SOCS4: variants seen among roughly 807,000 people sequenced by gnomAD.
SOCS4 encodes suppressor of cytokine signaling 4.
SOCS4 carries 20 observed loss-of-function variants against 34.1 expected under a neutral mutation model. The ratio of observed to expected loss-of-function variants is 0.59; its 90% CI spans 0.41 to 0.85. The LOEUF (loss-of-function observed/expected upper bound fraction) is 0.85, where lower values mean the gene tolerates loss of function less well. SOCS4 is among the 40% of genes least tolerant of loss of function. SOCS4 has a pLI of 0.00. For synonymous variants in SOCS4, 180 were observed against 186.4 expected (o/e 0.97, Z 0.28); for missense variants, 479 against 532.4 (o/e 0.90, Z 0.99).
rs752789342 is a variant in SOCS4, at chr14:55,044,145, C to T, written c.1104C>T (p.Ser368=). ...TGLLEHYKDP[S]ACMFFEPLLS... ...TCCTAGAACATTATAAGGACCCAAG[C>T]GCCTGTATGTTCTTTGAACCACTTC... Residue 368 remains serine (S), a synonymous_variant, in exon 3 of 3, where the codon AGC becomes AGT. Transcript: ENST00000555846. The T allele has an allele frequency of 6.8e-6, 11 of 1,613,934 alleles. No homozygotes were observed. The highest frequency in any genetic ancestry group is 5.3e-5 in the African/African-American group (4 of 74,894).
intron 1 of SOCS4, among the ~76,000 whole-genome samples, chr14:55,031,305 A>C (rs1172267663): frequency 6.6e-6 from 1 of 152,164 alleles, no homozygotes. Flanking sequence ...ATCTTTAGCT[A>C]ATAAGCTTAG....
chr14:55,032,319 T>G (rs562778176), intron 2 of SOCS4, among the ~76,000 whole-genome samples: 55 of 152,344 alleles, frequency 3.6e-4, no homozygotes, highest in Middle Eastern at 3.4e-3. Flanking sequence ...TAAAATCACC[T>G]TCTCAGCCTT....
chr14:55,038,335 T>C (rs1273361331), intron 2 of SOCS4, among the ~76,000 whole-genome samples: 2 of 152,208 alleles, frequency 1.3e-5, no homozygotes, highest in Admixed American at 6.5e-5. Context: ...TCTTTCATAG[T>C]TTAGAGTGTA....
rs773846887 is a variant in SOCS4 at position 55,043,789 on chromosome 14, G to T, written c.748G>T (p.Asp250Tyr). ...SSRKRNKPKW[D>Y]LDDEILQLET... The stretch of plus-strand genomic sequence containing the variant: ...CAGAAAAAGAAACAAACCCAAATGG[G>T]ATTTGGATGATGAAATCCTGCAGTT... The change falls in exon 3 of 3, where the codon GAT becomes TAT. Residue 250 changes from aspartate to tyrosine, a missense_variant. Asp to Tyr is a radical substitution (Grantham distance 160). Coordinates refer to ENST00000555846, the MANE Select transcript of SOCS4 (RefSeq NM_199421.2). The T allele has an allele frequency of 3.7e-6, 6 of 1,614,074 alleles. No individual in the cohort carries two copies. The highest frequency in any genetic ancestry group is 4.5e-5 in the East Asian group (2 of 44,884).
At chr14:55,037,685 G>A (rs964697044) in intron 2 of SOCS4, among the ~76,000 whole-genome samples, 1 of 151,816 alleles carries the variant, frequency 6.6e-6, no homozygotes, top group Admixed American at 6.6e-5. Flanking sequence ...GTAGAGACAG[G>A]GTTTCACTGT....
At chr14:55,029,121 G>C (rs2042505218) in intron 1 of SOCS4, among the ~76,000 whole-genome samples, 1 of 152,124 alleles carries the variant, frequency 6.6e-6, no homozygotes, top group Admixed American at 6.5e-5. Context: ...CAGTCAAATG[G>C]CTACAAATTG....
At chr14:55,040,246 T>C (rs1024604240) in intron 2 of SOCS4, among the ~76,000 whole-genome samples, 3 of 152,216 alleles carry the variant, frequency 2.0e-5, no homozygotes, top group East Asian at 1.9e-4. Context: ...TTATATATCA[T>C]TGAGCACACT....
intron 2 of SOCS4, among the ~76,000 whole-genome samples, 166 bp from the exon 3 acceptor site, chr14:55,042,786 T>G (rs939467173): frequency 3.3e-5 from 5 of 152,208 alleles, no homozygotes; most frequent in African/African-American, 1.2e-4. Context: ...TTATATAATA[T>G]ATAGCATGTT....
At chr14:55,033,425 C>T (rs1447268959) in intron 2 of SOCS4, among the ~76,000 whole-genome samples, 1 of 152,032 alleles carries the variant, frequency 6.6e-6, no homozygotes, top group Non-Finnish European at 1.5e-5. Flanking sequence ...TTTTTTGTAA[C>T]AGAATCAAAT....
Position 55,043,310 on chromosome 14 carries a change from C to G in SOCS4, c.269C>G (p.Ser90Cys). Residue 90 changes from serine (S) to cysteine (C), a missense_variant, in exon 3 of 3, where the codon TCT (serine) becomes TGT (cysteine). Ser to Cys is a moderately radical substitution (Grantham distance 112). Transcript: ENST00000555846. ...HSCGHRFLGR[S>C]LKQKLQDAVG... ...TGTGGGCATCGATTTTTAGGCCGAT[C>G]TCTTAAACAGAAACTGCAAGATGCC... The G allele has an allele frequency of 3.1e-6, 5 of 1,614,218 alleles. No individual in the cohort carries two copies. Among genetic ancestry groups the G allele is most frequent in the South Asian group, 1.1e-5 (1 of 91,090 alleles).
Position 55,043,644 on chromosome 14 carries a change from C to T in SOCS4, c.603C>T (p.Asp201=). 6.2e-7 allele frequency: 1 copy of T among 1,614,130 alleles called. No individual in the cohort carries two copies. Among genetic ancestry groups the T allele is most frequent in the Non-Finnish European group, 8.5e-7 (1 of 1,180,032 alleles). ...TNVQPCVITT[D]NALCREGPMT... ...TTCAGCCCTGTGTCATAACCACCGACAATGCTTTGTGTAGAGAAGGTCCTA... is the reference window on the plus strand; with the variant it reads ...TTCAGCCCTGTGTCATAACCACCGATAATGCTTTGTGTAGAGAAGGTCCTA... The change falls in exon 3 of 3, where the codon GAC becomes GAT. Residue 201 remains aspartate (D), a synonymous_variant. Transcript: ENST00000555846.
rs1594609720 is a variant in SOCS4 at position 55,033,440 on chromosome 14, G to A, written c.-91+1449G>A. Reference sequence around the variant, plus strand: ...TTTTTTGTAACAGAATCAAATAATGGTGAAAGAAATTCTAAATATCTTTTT... The same window carrying A: ...TTTTTTGTAACAGAATCAAATAATGATGAAAGAAATTCTAAATATCTTTTT... On this transcript the variant is annotated intron_variant, in intron 2 of 2. Coordinates refer to ENST00000555846, the MANE Select transcript of SOCS4 (RefSeq NM_199421.2). Among the ~76,000 whole-genome samples, 7 of 152,226 alleles carry A rather than the reference G, an allele frequency of 4.6e-5. 1 individual carries two copies. The highest frequency in any genetic ancestry group is 3.9e-4 in the Admixed American group (6 of 15,298).
intron 2 of SOCS4, among the ~76,000 whole-genome samples, chr14:55,039,751 C>G (rs549269790): frequency 6.6e-6 from 1 of 152,086 alleles, no homozygotes; most frequent in African/African-American, 2.4e-5. Flanking sequence ...AAAAAATTAT[C>G]CGGGCATGGT....
chr14:55,027,438 C>G lies in SOCS4; in HGVS notation c.-253C>G, dbSNP rs1290358761. On this transcript the variant is annotated 5_prime_UTR_variant, in exon 1 of 3. Transcript: ENST00000555846. ...ATGGCGATGGTGATGGCAGCAGTTA[C>G]TCGCACAACCCCAGTTAAGCTGCGC... The G allele has an allele frequency of 6.5e-6, 1 of 153,634 alleles. No homozygotes were observed. 9.5% of individuals were successfully genotyped at this position (153,634 alleles called of 1,614,324 possible).
chr14:55,043,616 A>G lies in SOCS4; in HGVS notation c.575A>G (p.Asn192Ser), dbSNP rs115913620. ...AATATAAACTGTTTCTCACATACCA[A>G]TGTTCAGCCCTGTGTCATAACCACC... ...EENINCFSHT[N>S]VQPCVITTDN... The change falls in exon 3 of 3, where the codon AAT (asparagine) becomes AGT (serine). Residue 192 changes from asparagine (N) to serine (S), a missense_variant. By Grantham distance (46) the Asn-to-Ser change is conservative. Coordinates refer to ENST00000555846, the MANE Select transcript of SOCS4 (RefSeq NM_199421.2). 1,622 of 1,614,190 alleles carry G rather than the reference A, an allele frequency of 1.0e-3. 3 individuals are homozygous for G. The highest frequency in any genetic ancestry group is 1.2e-3 in the Non-Finnish European group (1,444 of 1,180,016).
chr14:55,036,360 T>G (rs1232115875), intron 2 of SOCS4, among the ~76,000 whole-genome samples: 1 of 151,894 alleles, frequency 6.6e-6, no homozygotes, highest in Admixed American at 6.6e-5. Flanking sequence ...TTTTTTTTTT[T>G]GAGATGAAGT....
intron 1 of SOCS4, among the ~76,000 whole-genome samples, chr14:55,031,489 C>T (rs1281256106): frequency 3.9e-5 from 6 of 152,124 alleles, no homozygotes; most frequent in Non-Finnish European, 5.9e-5. Context: ...AGAGAAGAAG[C>T]ATTTCCCAAA....
At position 55,044,339 on chromosome 14, in the gene SOCS4, T is replaced by A; in HGVS notation, c.1298T>A (p.Ile433Asn). 6.2e-7 allele frequency: 1 copy of A among 1,611,484 alleles called. No homozygotes were observed. ...AAATCAAAAGTTAGAGTACTCAGGATTGATGCACCAGAACAGCAATGCTAG... is the reference window on the plus strand; with the variant it reads ...AAATCAAAAGTTAGAGTACTCAGGAATGATGCACCAGAACAGCAATGCTAG... ...HYKSKVRVLRIDAPEQQC is the reference protein window; with the variant it reads ...HYKSKVRVLRNDAPEQQC The change falls in exon 3 of 3, where the codon ATT (isoleucine) becomes AAT (asparagine). Residue 433 changes from isoleucine to asparagine, a missense_variant. Coordinates refer to ENST00000555846, the MANE Select transcript of SOCS4 (RefSeq NM_199421.2).
intron 2 of SOCS4, among the ~76,000 whole-genome samples, chr14:55,040,860 G>C (rs931581327): frequency 2.0e-5 from 3 of 151,896 alleles, no homozygotes; most frequent in Non-Finnish European, 4.4e-5. Context: ...TGGATATGGA[G>C]GGCTGACCAT....
Sources: gnomAD v4.1 joint callset for allele counts (sites outside exome capture counted in the v4.1 genomes callset) on GRCh38, gnomAD v4.1.1 for gene constraint, MANE v1.5 for transcripts, NCBI Gene and HGNC (gene_info 2026-07-23, HGNC 2026-07-21) for gene names.